WWOX: variants seen among roughly 807,000 people sequenced by gnomAD.
The protein encoded by WWOX is WW domain-containing oxidoreductase.
A neutral mutation model predicts 46.2 loss-of-function variants in WWOX; 69 were observed. The observed-to-expected ratio is 1.49, with a 90% CI of 1.23 to 1.82. The LOEUF (loss-of-function observed/expected upper bound fraction) is 1.82, where lower values mean the gene tolerates loss of function less well. Among genes scored for constraint, WWOX ranks in the 40% most tolerant of loss-of-function variants. The probability of loss-of-function intolerance (pLI) is 0.00; values close to 1 mark genes in which losing one functional copy is unlikely to be tolerated. For synonymous variants in WWOX, 359 were observed against 202.6 expected (o/e 1.77, Z -6.56); for missense variants, 919 against 542.6 (o/e 1.69, Z -6.89).
intron 8 of WWOX, among the ~76,000 whole-genome samples, chr16:79,056,215 C>CAA (rs199968406): frequency 7.2e-6 from 1 of 139,130 alleles, no homozygotes; most frequent in Non-Finnish European, 1.6e-5. Context: ...GTCACTAGAC[C>CAA]AAAAAAAAAA....
chr16:78,223,127 C>A (rs2036945656), intron 5 of WWOX, among the ~76,000 whole-genome samples: 1 of 152,316 alleles, frequency 6.6e-6, no homozygotes, highest in South Asian at 2.1e-4. Flanking sequence ...CTGTGACTGT[C>A]AGTAGCAGAA....
At chr16:78,326,249 A>T (rs924285083) in intron 5 of WWOX, among the ~76,000 whole-genome samples, 6 of 152,216 alleles carry the variant, frequency 3.9e-5, no homozygotes, top group Non-Finnish European at 8.8e-5. Context: ...GGCAAAACAC[A>T]ACGGTTGCTG....
intron 8 of WWOX, among the ~76,000 whole-genome samples, chr16:78,467,370 ATCAAT>A (rs1245542437): frequency 6.6e-6 from 1 of 152,204 alleles, no homozygotes; most frequent in Admixed American, 6.5e-5. Flanking sequence ...TTATAAAATG[ATCAAT>A]TCAAGCTTAC....
At chr16:79,185,158 A>C (rs2050988045) in intron 8 of WWOX, among the ~76,000 whole-genome samples, 1 of 152,176 alleles carries the variant, frequency 6.6e-6, no homozygotes, top group African/African-American at 2.4e-5. Flanking sequence ...TCCCTCTGTG[A>C]AATATAGGGA....
chr16:78,811,678 C>G (rs1032620550), intron 8 of WWOX, among the ~76,000 whole-genome samples: 3 of 151,976 alleles, frequency 2.0e-5, no homozygotes, highest in Non-Finnish European at 4.4e-5. Context: ...GCCCCCTTGT[C>G]CTCTTCTTAT....
At chr16:79,088,998 A>G (rs944534125) in intron 8 of WWOX, among the ~76,000 whole-genome samples, 1 of 152,158 alleles carries the variant, frequency 6.6e-6, no homozygotes, top group African/African-American at 2.4e-5. Context: ...TGTACCTTGA[A>G]CATAGCTGTT....
At chr16:78,864,754 CTTTTTT>C (rs57606576) in intron 8 of WWOX, among the ~76,000 whole-genome samples, 7 of 87,160 alleles carry the variant, frequency 8.0e-5, no homozygotes, top group African/African-American at 3.3e-4. Flanking sequence ...TCTCCAACTC[CTTTTTT>C]TTTTTTTTTT....
intron 8 of WWOX, among the ~76,000 whole-genome samples, chr16:78,889,491 C>T (rs570654207): frequency 6.6e-6 from 1 of 152,158 alleles, no homozygotes; most frequent in East Asian, 1.9e-4. Flanking sequence ...TGATGCTAGA[C>T]TGTTGCAGCT....
intron 4 of WWOX, among the ~76,000 whole-genome samples, chr16:78,151,073 C>T (rs1472797463): frequency 2.0e-5 from 3 of 149,094 alleles, no homozygotes; most frequent in Non-Finnish European, 4.4e-5. Flanking sequence ...GATGGGATCT[C>T]ACTGTGTTGT....
intron 8 of WWOX, among the ~76,000 whole-genome samples, chr16:78,941,677 C>G (rs1378923401): frequency 6.6e-6 from 1 of 152,022 alleles, no homozygotes. Context: ...TATTTGCATC[C>G]CCCCTACTCA....
chr16:78,482,162 C>G (rs2084509679), intron 8 of WWOX, among the ~76,000 whole-genome samples: 1 of 152,136 alleles, frequency 6.6e-6, no homozygotes, highest in African/African-American at 2.4e-5. Flanking sequence ...ATCACAGTTC[C>G]ACAGCCCTCA....
chr16:79,099,436 C>T (rs7196035), intron 8 of WWOX, among the ~76,000 whole-genome samples: 3 of 152,296 alleles, frequency 2.0e-5, no homozygotes, highest in Admixed American at 1.3e-4. Context: ...TAAACTGCAG[C>T]GCGCACACTC....
intron 8 of WWOX, among the ~76,000 whole-genome samples, chr16:78,680,473 A>G (rs1164853279): frequency 6.6e-6 from 1 of 152,080 alleles, no homozygotes; most frequent in East Asian, 1.9e-4. Context: ...AGGTAGAGGC[A>G]TGATCATGCC....
At chr16:79,170,958 G>T (rs4888932) in intron 8 of WWOX, among the ~76,000 whole-genome samples, 1 of 151,934 alleles carries the variant, frequency 6.6e-6, no homozygotes, top group Non-Finnish European at 1.5e-5. Context: ...AAATATTCCT[G>T]CATGCACACT....
At chr16:78,831,046 G>C (rs879479536) in intron 8 of WWOX, among the ~76,000 whole-genome samples, 3 of 152,194 alleles carry the variant, frequency 2.0e-5, no homozygotes, top group Non-Finnish European at 2.9e-5. Flanking sequence ...AGAATGTGAT[G>C]TTTTGGGAGT....
intron 8 of WWOX, among the ~76,000 whole-genome samples, chr16:78,924,817 G>T: frequency 6.6e-6 from 1 of 152,170 alleles, no homozygotes; most frequent in East Asian, 1.9e-4. Context: ...ACTAGTGATT[G>T]TTGGTGTCAA....
intron 5 of WWOX, among the ~76,000 whole-genome samples, chr16:78,269,587 A>G (rs745868160): frequency 1.5e-4 from 23 of 152,324 alleles, no homozygotes; most frequent in Admixed American, 4.6e-4. Flanking sequence ...CATCCTCATC[A>G]AAAGCTCTAT....
intron 8 of WWOX, among the ~76,000 whole-genome samples, chr16:78,867,981 G>A (rs1397863450): frequency 2.6e-5 from 4 of 152,170 alleles, no homozygotes; most frequent in African/African-American, 2.4e-5. Context: ...GTTGTCCAGT[G>A]CCTTAAAAAG....
At chr16:78,765,060 T>A (rs1015616961) in intron 8 of WWOX, among the ~76,000 whole-genome samples, 8 of 152,140 alleles carry the variant, frequency 5.3e-5, no homozygotes, top group Non-Finnish European at 1.2e-4. Flanking sequence ...GGAAGGGAAG[T>A]CTCAGCATCT....
Sources: gnomAD v4.1 joint callset for allele counts (sites outside exome capture counted in the v4.1 genomes callset) on GRCh38, gnomAD v4.1.1 for gene constraint, MANE v1.5 for transcripts, NCBI Gene and HGNC (gene_info 2026-07-23, HGNC 2026-07-21) for gene names.